Variants in FCER1A observed in about 807,000 individuals in gnomAD.
FCER1A encodes Fc epsilon receptor Ia.
Under a neutral mutation model 23.6 loss-of-function variants are expected in FCER1A, and 24 were observed. That is an observed-to-expected ratio of 1.02 (90% CI 0.74 to 1.43). FCER1A has a LOEUF of 1.43. Among genes scored for constraint, FCER1A ranks in the 40% most tolerant of loss-of-function variants. The pLI is 0.00. For synonymous variants in FCER1A, 121 were observed against 108.8 expected, an observed-to-expected ratio of 1.11 and a Z score of -0.70; for missense variants, 318 against 294.5, an observed-to-expected ratio of 1.08 and a Z score of -0.58.
At chr1:159,306,289 G>T in intron 4 of FCER1A, 44 bp downstream of exon 4, 1 of 1,593,054 alleles carries the variant, frequency 6.3e-7, no homozygotes, top group South Asian at 1.1e-5. Flanking sequence ...GCAGGGGAAG[G>T]AAGAGAGAAC....
At chr1:159,299,003 T>C (rs942438519), upstream of FCER1A, among the ~76,000 whole-genome samples, 1 of 152,252 alleles carries the variant, frequency 6.6e-6, no homozygotes, top group African/African-American at 2.4e-5. Flanking sequence ...GTCATGAGCA[T>C]GTGCTCTTAA....
intron 1 of FCER1A, among the ~76,000 whole-genome samples, chr1:159,292,898 A>G (rs762031099): frequency 2.0e-5 from 3 of 151,878 alleles, no homozygotes; most frequent in Non-Finnish European, 4.4e-5. Context: ...AGTGGAAGAG[A>G]GACTAGAGCT....
In FCER1A at chr1:159,307,760, A is replaced by C. The variant is rs1396912657; in HGVS notation, c.602A>C (p.Lys201Thr). The change falls in exon 5 of 5, where the codon AAG becomes ACG. Residue 201 changes from lysine (K) to threonine (T), a missense_variant. Coordinates refer to ENST00000693622, the MANE Select transcript of FCER1A (RefSeq NM_001387280.1). Reference sequence around the variant, plus strand: ...TGTTCCACTACAGCTCCGCGTGAGAAGTACTGGCTACAATTTTTTATCCCA... The same window carrying C: ...TGTTCCACTACAGCTCCGCGTGAGACGTACTGGCTACAATTTTTTATCCCA... ...NITVIKAPREKYWLQFFIPLL... is the reference protein window; with the variant it reads ...NITVIKAPRETYWLQFFIPLL... The C allele has an allele frequency of 3.7e-6, 6 of 1,602,934 alleles. No individual in the cohort carries two copies. Among genetic ancestry groups the C allele is most frequent in the Non-Finnish European group, 5.1e-6 (6 of 1,171,494 alleles).
Position 159,302,370 on chromosome 1 carries a change from T to C in FCER1A, c.6T>C (p.Ala2=), listed in dbSNP as rs199830799. The change falls in exon 1 of 5, where the codon GCT becomes GCC. Residue 2 remains alanine, a synonymous_variant. Coordinates refer to ENST00000693622, the MANE Select transcript of FCER1A (RefSeq NM_001387280.1). ...ACCAGGAGTCCATGAAGAAGATGGC[T>C]CCTGCCATGGAATCCCCTACTCTAC... M[A]PAMESPTLLC... 15 of 1,609,596 alleles carry C rather than the reference T, an allele frequency of 9.3e-6. No individual in the cohort carries two copies. The highest frequency in any genetic ancestry group is 1.3e-5 in the Non-Finnish European group (15 of 1,175,984).
At chr1:159,293,685 T>C (rs1290394603) in intron 1 of FCER1A, among the ~76,000 whole-genome samples, 1 of 151,662 alleles carries the variant, frequency 6.6e-6, no homozygotes, top group East Asian at 1.9e-4. Flanking sequence ...AGAATGATGA[T>C]TTCCAATTTC....
At chr1:159,293,265 C>G (rs1652204698) in intron 1 of FCER1A, among the ~76,000 whole-genome samples, 1 of 151,702 alleles carries the variant, frequency 6.6e-6, no homozygotes, top group African/African-American at 2.4e-5. Flanking sequence ...AAAATCCCAA[C>G]ACTTTTTCAT....
Position 159,307,962 on chromosome 1 carries a change from T to C in FCER1A, c.*30T>C. ...ATTACTCAAGAAATATTTGCAACAT[T>C]AGTTTTTTTCCAGCATCAGCAATTG... On this transcript the variant is annotated 3_prime_UTR_variant, in exon 5 of 5. Coordinates refer to ENST00000693622, the MANE Select transcript of FCER1A (RefSeq NM_001387280.1). 6.5e-7 allele frequency: 1 copy of C among 1,541,762 alleles called. No individual in the cohort carries two copies. Among genetic ancestry groups the C allele is most frequent in the Non-Finnish European group, 8.9e-7 (1 of 1,127,860 alleles).
upstream of FCER1A, among the ~76,000 whole-genome samples, chr1:159,286,904 G>A (rs557309881): frequency 4.6e-5 from 7 of 152,258 alleles, no homozygotes; most frequent in South Asian, 1.5e-3. Context: ...TATATGAGAT[G>A]TCAGGAACAT....
chr1:159,291,679 A>T (rs1258866624), intron 1 of FCER1A, among the ~76,000 whole-genome samples: 14 of 152,108 alleles, frequency 9.2e-5, no homozygotes, highest in Non-Finnish European at 5.9e-5. Flanking sequence ...TAACAAATAC[A>T]ATCCAGCATC....
At chr1:159,288,352 C>G (rs758074311), upstream of FCER1A, among the ~76,000 whole-genome samples, 45 of 152,174 alleles carry the variant, frequency 3.0e-4, no homozygotes, top group Non-Finnish European at 5.6e-4. Flanking sequence ...TTACCAAATT[C>G]ATCGGACTAT....
At chr1:159,303,227 A>G (rs1652492219) in intron 2 of FCER1A, among the ~76,000 whole-genome samples, 1 of 152,104 alleles carries the variant, frequency 6.6e-6, no homozygotes, top group Non-Finnish European at 1.5e-5. Flanking sequence ...TGGTGGTTAC[A>G]TGGCTAAGGA....
intron 3 of FCER1A, among the ~76,000 whole-genome samples, chr1:159,304,397 C>T (rs369641946): frequency 1.3e-5 from 2 of 151,948 alleles, no homozygotes; most frequent in East Asian, 3.9e-4. Context: ...GTCAGGAGAT[C>T]GAGACCATCC....
intron 4 of FCER1A, 100 bp from the exon 5 acceptor site, chr1:159,307,648 C>T: frequency 1.2e-6 from 1 of 853,370 alleles, no homozygotes; most frequent in Non-Finnish European, 1.8e-6. Context: ...AAATGAAGGA[C>T]AAAGCTTGGT....
At chr1:159,295,073 T>C (rs753749256) in intron 1 of FCER1A, among the ~76,000 whole-genome samples, 3 of 152,202 alleles carry the variant, frequency 2.0e-5, no homozygotes, top group Admixed American at 6.5e-5. Flanking sequence ...ATAAATTCAA[T>C]TTAGGAATTG....
intron 3 of FCER1A, among the ~76,000 whole-genome samples, chr1:159,304,959 C>T (rs1571081902): frequency 1.3e-5 from 2 of 152,126 alleles, no homozygotes; most frequent in South Asian, 4.1e-4. Flanking sequence ...TACTTAAGAA[C>T]ACATATTTCA....
chr1:159,296,278 A>T (rs1571077701), intron 1 of FCER1A, among the ~76,000 whole-genome samples: 1 of 152,156 alleles, frequency 6.6e-6, no homozygotes, highest in African/African-American at 2.4e-5. Flanking sequence ...TCTGCTACTT[A>T]CACACACATA....
chr1:159,306,343 T>C, intron 4 of FCER1A, 98 bp downstream of exon 4: 1 of 1,174,348 alleles, frequency 8.5e-7, no homozygotes, highest in Non-Finnish European at 1.2e-6. Flanking sequence ...GGGGCACCTG[T>C]GATACACTGG....
rs1224134916 is a variant in FCER1A, at chr1:159,307,732, C to T, written c.590-16C>T. 1 of 1,559,578 alleles carries T rather than the reference C, an allele frequency of 6.4e-7. No individual in the cohort carries two copies. Among genetic ancestry groups the T allele is most frequent in the South Asian group, 1.2e-5 (1 of 85,332 alleles). On this transcript the variant is annotated splice_polypyrimidine_tract_variant and intron_variant, in intron 4 of 4. Coordinates refer to ENST00000693622, the MANE Select transcript of FCER1A (RefSeq NM_001387280.1). Reference sequence around the variant, plus strand: ...AGATGAATTATGTTTCTCATTGCATCTGTGTTCCACTACAGCTCCGCGTGA... The same window carrying T: ...AGATGAATTATGTTTCTCATTGCATTTGTGTTCCACTACAGCTCCGCGTGA...
At chr1:159,302,770 A>C in intron 1 of FCER1A, 84 bp from the exon 2 acceptor site, 1 of 1,250,582 alleles carries the variant, frequency 8.0e-7, no homozygotes, top group African/African-American at 1.5e-5. Flanking sequence ...ATGGATGTAG[A>C]TCTTATCCCC....
Sources: allele counts gnomAD v4.1 joint callset (sites outside exome capture counted in the v4.1 genomes callset), GRCh38; gene constraint gnomAD v4.1.1; transcripts MANE v1.5; gene names NCBI Gene and HGNC (gene_info 2026-07-23, HGNC 2026-07-21).